MUC17: variants seen among roughly 807,000 people sequenced by gnomAD.
MUC17 encodes mucin 17, cell surface associated.
In MUC17, 190 loss-of-function variants were observed where a neutral mutation model predicts 170.3. The observed-to-expected ratio is 1.12, with a 90% CI of 0.99 to 1.26. MUC17 has a LOEUF of 1.26. Among genes scored for constraint, MUC17 ranks in the 50% most tolerant of loss-of-function variants. The pLI is 0.00. For synonymous variants in MUC17, 2,325 were observed against 2,002.5 expected (o/e 1.16, Z -4.30); for missense variants, 6,415 against 5,530.0 (o/e 1.16, Z -5.08).
rs371965544 is a variant in MUC17 at position 101,032,726 on chromosome 7, C to T, written c.1310C>T (p.Ala437Val). The change falls in exon 3 of 13, where the codon GCT becomes GTT. Residue 437 changes from alanine (A) to valine (V), a missense_variant. Transcript: ENST00000306151. ...ASEASSSPTT[A>V]EDTSIATSTP... ...GAAGCCAGCTCATCTCCCACAACTG[C>T]TGAAGATACCAGCATTGCAACCTCA... 1.3e-6 allele frequency: 2 copies of T among 1,578,284 alleles called. No homozygotes were observed. Among genetic ancestry groups the T allele is most frequent in the East Asian group, 2.3e-5 (1 of 42,638 alleles).
In MUC17 at chr7:101,032,623, A is replaced by T; in HGVS notation, c.1207A>T (p.Ile403Leu). ...ATTAACAAATATGCCTGTCAGCACC[A>T]TATTGGTGGCCAGTTCTGAGGCTAG... ...TPLTNMPVSTILVASSEASTT... is the reference protein window; with the variant it reads ...TPLTNMPVSTLLVASSEASTT... Residue 403 changes from isoleucine (I) to leucine (L), a missense_variant, in exon 3 of 13, where the codon ATA (isoleucine) becomes TTA (leucine). Ile to Leu is a conservative substitution (Grantham distance 5). Coordinates refer to ENST00000306151, the MANE Select transcript of MUC17 (RefSeq NM_001040105.2). 2.5e-6 allele frequency: 4 copies of T among 1,613,604 alleles called. No homozygotes were observed. The highest frequency in any genetic ancestry group is 3.4e-6 in the Non-Finnish European group (4 of 1,179,694).
chr7:101,045,457 G>A (rs1227424839), intron 3 of MUC17, among the ~76,000 whole-genome samples: 3 of 151,020 alleles, frequency 2.0e-5, no homozygotes, highest in African/African-American at 4.9e-5. Context: ...GCAATGGCAC[G>A]ATCATGGCTC....
rs374490169 is a variant in MUC17, at chr7:101,021,908, A to C, written c.82+1691A>C. ...CTCAGCCTGGTCCTTCCCAGCAGAC[A>C]CACCCTCTCATCCTGCAGATCACCT... On this transcript the variant is annotated intron_variant, in intron 1 of 12. Coordinates refer to ENST00000306151, the MANE Select transcript of MUC17 (RefSeq NM_001040105.2). Among the ~76,000 whole-genome samples, 18 of 152,244 alleles carry C rather than the reference A, an allele frequency of 1.2e-4. No homozygotes were observed. The East Asian group carries it at 2.7e-3, about 23-fold the overall frequency.
chr7:101,058,280 C>T lies in MUC17; in HGVS notation c.*236C>T, dbSNP rs917135877. Reference sequence around the variant, plus strand: ...TGATATCAGGCTAGGCTTTCCTGCTCATTTTTCAAAGACGCTCCAGATTTG... The same window carrying T: ...TGATATCAGGCTAGGCTTTCCTGCTTATTTTTCAAAGACGCTCCAGATTTG... On this transcript the variant is annotated 3_prime_UTR_variant, in exon 13 of 13. Transcript: ENST00000306151. 13 of 372,356 alleles carry T rather than the reference C, an allele frequency of 3.5e-5. No homozygotes were observed. Among genetic ancestry groups the T allele is most frequent in the Non-Finnish European group, 4.4e-5 (9 of 205,884 alleles). 23.1% of individuals were successfully genotyped at this position (372,356 alleles called of 1,614,324 possible).
intron 4 of MUC17, 176 bp downstream of exon 4, chr7:101,048,291 C>T: frequency 1.8e-6 from 1 of 544,138 alleles, no homozygotes; most frequent in Admixed American, 4.3e-5. Flanking sequence ...AATGCTAAAG[C>T]ATTACAAAAT....
rs139275375 is a variant in MUC17 at position 101,036,750 on chromosome 7, C to A, written c.5334C>A (p.Thr1778=). 1.8e-4 allele frequency: 288 copies of A among 1,592,542 alleles called. No individual in the cohort carries two copies. Among genetic ancestry groups the A allele is most frequent in the Non-Finnish European group, 2.1e-4 (246 of 1,171,968 alleles). The change falls in exon 3 of 13, where the codon ACC becomes ACA. Residue 1778 remains threonine (T), a synonymous_variant. Transcript: ENST00000306151. ...CAGCAACTCCTATTGACACCAGCAC[C>A]CCTGTGACCACTTCTACTGAAGCCA... ...TLSATPIDTS[T]PVTTSTEATS... is the part of the protein sequence containing the mutation.
intron 3 of MUC17, 31 bp downstream of exon 3, chr7:101,043,850 TA>T: frequency 1.9e-6 from 3 of 1,557,294 alleles, no homozygotes; most frequent in Admixed American, 1.9e-5. Flanking sequence ...TCCTTTTTTT[TA>T]AAATTATACT....
At chr7:101,031,020 G>T in intron 1 of MUC17, 100 bp from the exon 2 acceptor site, 1 of 1,412,632 alleles carries the variant, frequency 7.1e-7, no homozygotes, top group Non-Finnish European at 9.4e-7. Context: ...TGGTTCAGGG[G>T]CCAGGGACTT....
At position 101,033,391 on chromosome 7, in the gene MUC17, C is replaced by A; in HGVS notation, c.1975C>A (p.Pro659Thr). 4 of 1,613,716 alleles carry A rather than the reference C, an allele frequency of 2.5e-6. No homozygotes were observed. Among genetic ancestry groups the A allele is most frequent in the Non-Finnish European group, 3.4e-6 (4 of 1,179,904 alleles). The change falls in exon 3 of 13, where the codon CCT (proline) becomes ACT (threonine). Residue 659 changes from proline (P) to threonine (T), a missense_variant. Pro to Thr is a conservative substitution (Grantham distance 38, BLOSUM62 -1). Transcript: ENST00000306151. ...AACAACTCCTGTTGACTCCAACACT[C>A]CTGTGACCACTTCAACTGAAGCCAC... ...LSTTPVDSNT[P>T]VTTSTEATSS...
chr7:101,037,220 C>T lies in MUC17; in HGVS notation c.5804C>T (p.Thr1935Ile), dbSNP rs759140072. Residue 1935 changes from threonine to isoleucine, a missense_variant, in exon 3 of 13, where the codon ACC becomes ATC. Transcript: ENST00000306151. The part of the protein sequence containing the change: ...RPPLTSIPVS[T>I]TTVASSEINT... ...CCATTAACAAGTATACCTGTCAGCA[C>T]CACAACAGTGGCCAGTTCTGAAATC... 6.2e-7 allele frequency: 1 copy of T among 1,612,158 alleles called. No individual in the cohort carries two copies. The highest frequency in any genetic ancestry group is 2.2e-5 in the East Asian group (1 of 44,796).
chr7:101,035,222 C>T lies in MUC17; in HGVS notation c.3806C>T (p.Pro1269Leu), dbSNP rs1202146323. 3 of 1,609,598 alleles carry T rather than the reference C, an allele frequency of 1.9e-6. No individual in the cohort carries two copies. The highest frequency in any genetic ancestry group is 1.7e-6 in the Non-Finnish European group (2 of 1,177,112). ...SPTTAEGTSL[P>L]TSTTSEGSTL... ...ACAACCGCTGAAGGTACCAGCTTGC[C>T]AACCTCAACTACTAGTGAAGGAAGT... Residue 1269 changes from proline (P) to leucine (L), a missense_variant, in exon 3 of 13, where the codon CCA (proline) becomes CTA (leucine). By Grantham distance (98) the Pro-to-Leu change is moderately conservative. Coordinates refer to ENST00000306151, the MANE Select transcript of MUC17 (RefSeq NM_001040105.2).
chr7:101,055,816 A>T (rs893220346), intron 11 of MUC17, among the ~76,000 whole-genome samples: 1 of 152,254 alleles, frequency 6.6e-6, no homozygotes, highest in Non-Finnish European at 1.5e-5. Flanking sequence ...ATCTGACCAT[A>T]ATGCAAGTAT....
Position 101,036,223 on chromosome 7 carries a change from C to T in MUC17, c.4807C>T (p.Gln1603Ter). The change falls in exon 3 of 13, where the codon CAG becomes TAG. Residue 1603 changes from glutamine (Q) to a stop codon, truncating the protein, a stop_gained. Transcript: ENST00000306151. LOFTEE classifies it high-confidence loss of function. ...LSTTPIDSKT[Q>*]VTASTEASSS... ...AACAACCCCTATTGACTCCAAAACT[C>T]AGGTGACCGCTTCTACTGAAGCCAG... 1 of 1,614,048 alleles carries T rather than the reference C, an allele frequency of 6.2e-7. No homozygotes were observed.
In MUC17 at chr7:101,036,369, T is replaced by G. The variant is rs146418056; in HGVS notation, c.4953T>G (p.Leu1651=). The change falls in exon 3 of 13, where the codon CTT becomes CTG. Residue 1651 remains leucine (L), a synonymous_variant. Coordinates refer to ENST00000306151, the MANE Select transcript of MUC17 (RefSeq NM_001040105.2). ...TGGCCAGTCCTGAGGCTAGCACCCT[T>G]TCAACAACTCCTGTTGACTCCAACA... is the stretch of plus-strand genomic sequence containing the variant. ...TPVASPEAST[L]STTPVDSNSP... 1.0e-3 allele frequency: 1,629 copies of G among 1,612,758 alleles called. 10 individuals carry two copies. The African/African-American group carries it at 0.018, about 18-fold the overall frequency.
At position 101,037,506 on chromosome 7, in the gene MUC17, A is replaced by T; in HGVS notation, c.6090A>T (p.Gly2030=). ...TEGSSSPTTA[G]GTSIQTSTPS... ...GCAGTTCATCTCCTACAACTGCAGG[A>T]GGTACCAGCATACAAACCTCAACTC... is the stretch of plus-strand genomic sequence containing the variant. Residue 2030 remains glycine, a synonymous_variant, in exon 3 of 13, where the codon GGA becomes GGT. Transcript: ENST00000306151. 1.2e-6 allele frequency: 2 copies of T among 1,613,470 alleles called. No individual in the cohort carries two copies. The highest frequency in any genetic ancestry group is 1.7e-6 in the Non-Finnish European group (2 of 1,179,774).
chr7:101,051,588 G>A (rs375575637), intron 7 of MUC17, 25 bp from the exon 8 acceptor site: 183 of 1,612,152 alleles, frequency 1.1e-4, no homozygotes, highest in East Asian at 1.0e-3. Context: ...TGTGTCGTGA[G>A]GGGTTTTATG....
chr7:101,035,427 T>A lies in MUC17; in HGVS notation c.4011T>A (p.Thr1337=). The A allele has an allele frequency of 1.2e-6, 2 of 1,603,478 alleles. No individual in the cohort carries two copies. The highest frequency in any genetic ancestry group is 1.3e-5 in the African/African-American group (1 of 74,266). ...CCTCAACTTATAGTGAAGGAAGAACTCCTTTAACAAGTATACCTGTCAACA... is the reference window on the plus strand; with the variant it reads ...CCTCAACTTATAGTGAAGGAAGAACACCTTTAACAAGTATACCTGTCAACA... ...MPTSTYSEGR[T]PLTSIPVNTT... The change falls in exon 3 of 13, where the codon ACT becomes ACA. Residue 1337 remains threonine, a synonymous_variant. Transcript: ENST00000306151.
In MUC17 at chr7:101,036,871, C is replaced by T. The variant is rs1562810623; in HGVS notation, c.5455C>T (p.Leu1819=). 2 of 1,608,318 alleles carry T rather than the reference C, an allele frequency of 1.2e-6. No individual in the cohort carries two copies. The highest frequency in any genetic ancestry group is 2.2e-5 in the South Asian group (2 of 89,918). ...AACAAGCACACCTGTCAGCCACACGCTGGTGGCCAATTCTGAGGCTAGCAC... is the reference window on the plus strand; with the variant it reads ...AACAAGCACACCTGTCAGCCACACGTTGGTGGCCAATTCTGAGGCTAGCAC... ...PLTSTPVSHT[L]VANSEASTLS... Residue 1819 remains leucine, a synonymous_variant, in exon 3 of 13, where the codon CTG becomes TTG. Transcript: ENST00000306151.
At position 101,038,879 on chromosome 7, in the gene MUC17, C is replaced by G; in HGVS notation, c.7463C>G (p.Thr2488Ser). Residue 2488 changes from threonine to serine, a missense_variant, in exon 3 of 13, where the codon ACC (threonine) becomes AGC (serine). Physicochemically the swap from Thr to Ser is moderately conservative, Grantham distance 58. Transcript: ENST00000306151. Reference sequence around the variant, plus strand: ...CCTGTTGACACCAGCACACCTATGACCACTTCTACTGAAGCCAGTTCATCT... The same window carrying G: ...CCTGTTGACACCAGCACACCTATGAGCACTTCTACTGAAGCCAGTTCATCT... ...TTPVDTSTPMTTSTEASSSPT... is the reference protein window; with the variant it reads ...TTPVDTSTPMSTSTEASSSPT... 6.2e-7 allele frequency: 1 copy of G among 1,613,638 alleles called. No homozygotes were observed.
Sources: gnomAD v4.1 joint callset for allele counts (sites outside exome capture counted in the v4.1 genomes callset) on GRCh38, gnomAD v4.1.1 for gene constraint, MANE v1.5 for transcripts, NCBI Gene and HGNC (gene_info 2026-07-23, HGNC 2026-07-21) for gene names.